The following LOXHD1 variants were observed in gnomAD, a reference collection of about 807,000 sequenced individuals.
The protein encoded by LOXHD1 is lipoxygenase homology domain-containing protein 1.
LOXHD1 carries 205 observed loss-of-function variants against 248.2 expected under a neutral mutation model. That is an observed-to-expected ratio of 0.83 (90% CI 0.74 to 0.93). The LOEUF (loss-of-function observed/expected upper bound fraction) is 0.93, where lower values mean the gene tolerates loss of function less well. LOXHD1 is among the 40% of genes least tolerant of loss of function. The pLI is 0.00. For missense variants in LOXHD1, 2,930 were observed against 2,971.6 expected, an observed-to-expected ratio of 0.99 and a Z score of 0.33; for synonymous variants, 1,113 against 1,162.8, an observed-to-expected ratio of 0.96 and a Z score of 0.87.
At chr18:46,575,268 A>G (rs1474740274) in intron 14 of LOXHD1, among the ~76,000 whole-genome samples, 1 of 152,042 alleles carries the variant, frequency 6.6e-6, no homozygotes, top group Non-Finnish European at 1.5e-5. Flanking sequence ...GGCAAGGCCC[A>G]TGAACTGTCC....
chr18:46,529,962 A>C (rs572814831), intron 28 of LOXHD1, among the ~76,000 whole-genome samples: 10 of 152,258 alleles, frequency 6.6e-5, no homozygotes, highest in African/African-American at 2.4e-4. Context: ...GGGTGTGACA[A>C]TTATTAAAAA....
rs2036202448 is a variant in LOXHD1 at position 46,534,170 on chromosome 18, A to T, written c.4212+165T>A. On this transcript the variant is annotated intron_variant, in intron 27 of 40. Coordinates refer to ENST00000642948, the MANE Select transcript of LOXHD1 (RefSeq NM_001384474.1). ...CAGGTTCTAGAAAATTCTGCTTGGG[A>T]CCAGAGCTTGTTTCTGCACTCTGAG... is the stretch of plus-strand genomic sequence containing the variant. 2.0e-5 allele frequency among the ~76,000 whole-genome samples: 3 copies of T among 152,026 alleles called. 1 individual carries two copies. In the South Asian group the frequency reaches 6.2e-4, roughly 32 times the overall value.
chr18:46,598,780 A>G (rs2038296213), intron 8 of LOXHD1, among the ~76,000 whole-genome samples: 1 of 152,180 alleles, frequency 6.6e-6, no homozygotes, highest in Non-Finnish European at 1.5e-5. Flanking sequence ...ATATAAAACT[A>G]TATTGAAAAC....
At chr18:46,607,125 T>C (rs1275474118) in intron 6 of LOXHD1, among the ~76,000 whole-genome samples, 1 of 151,350 alleles carries the variant, frequency 6.6e-6, no homozygotes, top group African/African-American at 2.4e-5. Flanking sequence ...GCCAAGATTG[T>C]GCCACTGCAC....
chr18:46,561,579 C>T (rs1313029805), intron 18 of LOXHD1, among the ~76,000 whole-genome samples: 3 of 152,228 alleles, frequency 2.0e-5, no homozygotes, highest in African/African-American at 4.8e-5. Flanking sequence ...AGTTCTTTCA[C>T]TGAGTGCCAG....
intron 15 of LOXHD1, among the ~76,000 whole-genome samples, chr18:46,571,261 A>T (rs1313840658): frequency 6.6e-6 from 1 of 152,050 alleles, no homozygotes; most frequent in African/African-American, 2.4e-5. Context: ...TGAACCCAGG[A>T]GTTTGAGACC....
At chr18:46,567,198 T>G (rs1279617148) in intron 16 of LOXHD1, among the ~76,000 whole-genome samples, 1 of 152,256 alleles carries the variant, frequency 6.6e-6, no homozygotes, top group African/African-American at 2.4e-5. Context: ...AGAGCAATTT[T>G]AACATCAGAT....
At chr18:46,570,395 T>C (rs1452585781) in intron 15 of LOXHD1, among the ~76,000 whole-genome samples, 1 of 152,206 alleles carries the variant, frequency 6.6e-6, no homozygotes, top group Non-Finnish European at 1.5e-5. Flanking sequence ...TGAGTGATGC[T>C]CACTCCCAGG....
At chr18:46,496,256 G>A (rs558879507) in intron 37 of LOXHD1, among the ~76,000 whole-genome samples, 47 of 152,248 alleles carry the variant, frequency 3.1e-4, no homozygotes, top group African/African-American at 1.0e-3. Context: ...ATTGCTATGT[G>A]GAAGTTTATT....
chr18:46,584,842 G>A (rs936831335), intron 12 of LOXHD1, among the ~76,000 whole-genome samples: 1 of 151,942 alleles, frequency 6.6e-6, no homozygotes. Flanking sequence ...AGAATCCAGC[G>A]ACATATCAAA....
intron 26 of LOXHD1, among the ~76,000 whole-genome samples, chr18:46,535,788 C>A (rs2144296378): frequency 6.6e-6 from 1 of 152,300 alleles, no homozygotes; most frequent in South Asian, 2.1e-4. Context: ...CCAGGCTGGT[C>A]TTGAACTCCT....
chr18:46,552,111 A>C (rs1804292942), intron 21 of LOXHD1, among the ~76,000 whole-genome samples: 2 of 152,230 alleles, frequency 1.3e-5, no homozygotes. Context: ...AGATGAAAAA[A>C]ATCTGGAGAT....
intron 14 of LOXHD1, among the ~76,000 whole-genome samples, chr18:46,577,395 AC>A (rs1295431518): frequency 6.6e-6 from 1 of 152,252 alleles, no homozygotes; most frequent in Non-Finnish European, 1.5e-5. Flanking sequence ...AACTCTCTGA[AC>A]TAACTTTCAC....
intron 37 of LOXHD1, among the ~76,000 whole-genome samples, chr18:46,499,055 T>C (rs927270768): frequency 3.9e-5 from 6 of 152,192 alleles, no homozygotes; most frequent in Non-Finnish European, 8.8e-5. Flanking sequence ...TACTTATTCA[T>C]ATAATTGTTA....
chr18:46,656,854 C>T, intron 1 of LOXHD1, 50 bp downstream of exon 1: 2 of 1,541,456 alleles, frequency 1.3e-6, no homozygotes, highest in Non-Finnish European at 1.8e-6. Flanking sequence ...AGACCCCTGC[C>T]CACCGCAGCC....
chr18:46,592,394 T>G (rs1277014625), intron 11 of LOXHD1, 104 bp downstream of exon 11: 1 of 982,152 alleles, frequency 1.0e-6, no homozygotes, highest in Non-Finnish European at 1.5e-6. Context: ...CAGTCCCTAT[T>G]CACAATAAAT....
intron 4 of LOXHD1, among the ~76,000 whole-genome samples, chr18:46,636,290 T>C (rs541493912): frequency 1.3e-5 from 2 of 152,310 alleles, no homozygotes; most frequent in African/African-American, 4.8e-5. Context: ...GAAACAGTCA[T>C]CTCCAGCGAA....
chr18:46,509,667 G>A, intron 35 of LOXHD1, 31 bp downstream of exon 35: 8 of 1,485,660 alleles, frequency 5.4e-6, no homozygotes, highest in Admixed American at 2.0e-5. Flanking sequence ...GGTGGTGGCT[G>A]GAAGGAAGAG....
chr18:46,620,270 G>C (rs1386699520), intron 4 of LOXHD1, among the ~76,000 whole-genome samples: 1 of 152,194 alleles, frequency 6.6e-6, no homozygotes, highest in Non-Finnish European at 1.5e-5. Context: ...CCCAACTCCA[G>C]TCCAGGGCTC....
Sources: gnomAD v4.1 joint callset for allele counts (sites outside exome capture counted in the v4.1 genomes callset) on GRCh38, gnomAD v4.1.1 for gene constraint, MANE v1.5 for transcripts, NCBI Gene and HGNC (gene_info 2026-07-23, HGNC 2026-07-21) for gene names.